The following CPED1 variants were observed in gnomAD, a reference collection of about 807,000 sequenced individuals.
The protein encoded by CPED1 is cadherin-like and PC-esterase domain-containing protein 1.
A neutral mutation model predicts 128.2 loss-of-function variants in CPED1; 114 were observed. The ratio of observed to expected loss-of-function variants is 0.89; its 90% confidence interval spans 0.76 to 1.04. The LOEUF (loss-of-function observed/expected upper bound fraction) is 1.04. Ranked by LOEUF, CPED1 falls within the 50% of genes least tolerant of loss-of-function variation. The pLI is 0.00. For synonymous variants in CPED1, 462 were observed against 426.7 expected (o/e 1.08, Z -1.02); for missense variants, 1,211 against 1,207.1 (o/e 1.00, Z -0.05).
intron 14 of CPED1, among the ~76,000 whole-genome samples, chr7:121,138,177 T>C (rs1035568539): frequency 2.0e-5 from 3 of 152,110 alleles, no homozygotes; most frequent in African/African-American, 7.2e-5. Flanking sequence ...GCTCTTCTCA[T>C]GTTCAATATG....
intron 16 of CPED1, among the ~76,000 whole-genome samples, chr7:121,194,046 ATATT>A (rs1299490368): frequency 0.017 from 890 of 52,530 alleles, 1 homozygote; most frequent in Non-Finnish European, 0.025. Flanking sequence ...ATATATATAT[ATATT>A]TTTTTTTTTT....
At chr7:121,061,639 A>G (rs1044313026) in intron 4 of CPED1, among the ~76,000 whole-genome samples, 3 of 152,174 alleles carry the variant, frequency 2.0e-5, no homozygotes, top group Admixed American at 2.0e-4. Context: ...AAAGTCCATT[A>G]AAAAATAATT....
At chr7:121,167,691 G>A (rs1166140577) in intron 16 of CPED1, among the ~76,000 whole-genome samples, 2 of 149,988 alleles carry the variant, frequency 1.3e-5, no homozygotes, top group Admixed American at 6.6e-5. Flanking sequence ...AAAACTACTA[G>A]AACCCATTAA....
At chr7:121,100,271 G>T (rs1017365496) in intron 7 of CPED1, among the ~76,000 whole-genome samples, 177 bp downstream of exon 7, 2 of 151,988 alleles carry the variant, frequency 1.3e-5, no homozygotes, top group Non-Finnish European at 2.9e-5. Context: ...AAAATGAACT[G>T]GAAGCAGCTT....
intron 16 of CPED1, among the ~76,000 whole-genome samples, chr7:121,191,217 A>C (rs1019345693): frequency 9.2e-5 from 14 of 152,184 alleles, no homozygotes; most frequent in Non-Finnish European, 5.9e-5. Flanking sequence ...AAACTCTTCG[A>C]AAAACACCGA....
chr7:121,010,503 C>T (rs182528608), intron 2 of CPED1, among the ~76,000 whole-genome samples: 42 of 152,334 alleles, frequency 2.8e-4, no homozygotes, highest in Non-Finnish European at 5.3e-4. Flanking sequence ...CCTATTTTAG[C>T]TTCCCAAAGT....
chr7:121,185,056 G>A (rs1037783617), intron 16 of CPED1, among the ~76,000 whole-genome samples: 1 of 152,016 alleles, frequency 6.6e-6, no homozygotes, highest in Non-Finnish European at 1.5e-5. Flanking sequence ...AGACATGGAT[G>A]CTGTTTATCA....
rs190789271 is a variant in CPED1, at chr7:121,099,787, A to G, written c.750-139A>G. On this transcript the variant is annotated intron_variant, in intron 6 of 22. Coordinates refer to ENST00000310396, the MANE Select transcript of CPED1 (RefSeq NM_024913.5). ...GTGGTGATGCTAATAAGCAACTGAA[A>G]TTGTTCAAGGAAACCCACACACTGA... is the stretch of plus-strand genomic sequence containing the variant. The G allele has an allele frequency of 1.0e-5, 8 of 803,698 alleles. No homozygotes were observed. The African/African-American group carries it at 1.4e-4, about 14-fold the overall frequency. 49.8% of individuals were successfully genotyped at this position (803,698 alleles called of 1,614,324 possible).
At chr7:121,271,228 A>G (rs1018136646) in intron 21 of CPED1, 56 bp from the exon 22 acceptor site, 3 of 1,426,376 alleles carry the variant, frequency 2.1e-6, no homozygotes, top group Non-Finnish European at 2.9e-6. Flanking sequence ...TAACTTATTG[A>G]ATCATAAAAC....
At chr7:121,214,895 G>A (rs1305625245) in intron 16 of CPED1, among the ~76,000 whole-genome samples, 3 of 151,972 alleles carry the variant, frequency 2.0e-5, no homozygotes, top group African/African-American at 7.2e-5. Flanking sequence ...AAATTATTCA[G>A]CTCTAAGTAA....
At chr7:121,270,411 T>G (rs1268013854) in intron 21 of CPED1, among the ~76,000 whole-genome samples, 8 of 152,098 alleles carry the variant, frequency 5.3e-5, no homozygotes, top group African/African-American at 1.9e-4. Flanking sequence ...TATCAATTTT[T>G]GGTTTTGGTA....
At chr7:121,128,705 T>A (rs939999650) in intron 11 of CPED1, among the ~76,000 whole-genome samples, 1 of 152,142 alleles carries the variant, frequency 6.6e-6, no homozygotes, top group Non-Finnish European at 1.5e-5. Context: ...TTATTAAAGG[T>A]AAAAGAACAT....
chr7:121,082,505 GC>G (rs1432047995), intron 5 of CPED1, among the ~76,000 whole-genome samples: 3 of 152,098 alleles, frequency 2.0e-5, no homozygotes, highest in South Asian at 2.1e-4. Context: ...ATTATGGTGG[GC>G]TTTATGATTT....
chr7:121,271,685 A>T (rs752123788), intron 22 of CPED1, among the ~76,000 whole-genome samples: 1 of 152,136 alleles, frequency 6.6e-6, no homozygotes, highest in South Asian at 2.1e-4. Flanking sequence ...GGAGGCAGGA[A>T]TATGGGAACC....
intron 16 of CPED1, among the ~76,000 whole-genome samples, chr7:121,205,691 C>T (rs995674384): frequency 7.9e-5 from 12 of 151,976 alleles, no homozygotes; most frequent in African/African-American, 2.9e-4. Context: ...CAGCAGCACT[C>T]AGCTCTAGGA....
intron 5 of CPED1, among the ~76,000 whole-genome samples, chr7:121,072,781 A>T (rs938399053): frequency 4.6e-5 from 7 of 152,220 alleles, no homozygotes; most frequent in African/African-American, 1.7e-4. Context: ...ATATATATGA[A>T]AATGAGTATC....
At chr7:121,041,077 A>G (rs1227344517) in intron 3 of CPED1, among the ~76,000 whole-genome samples, 1 of 152,072 alleles carries the variant, frequency 6.6e-6, no homozygotes, top group Admixed American at 6.6e-5. Flanking sequence ...CTTACCAGCT[A>G]AGAACCAAAA....
intron 7 of CPED1, among the ~76,000 whole-genome samples, chr7:121,117,077 TTATATATATATATATATATATAAATA>T (rs1180937780): frequency 2.3e-5 from 3 of 128,804 alleles, no homozygotes; most frequent in Non-Finnish European, 4.7e-5. Context: ...TATATACACA[TTATATATATATATATATATATAAATA>T]TATATATATA....
At chr7:121,113,813 A>G (rs1021776451) in intron 7 of CPED1, among the ~76,000 whole-genome samples, 8 of 152,000 alleles carry the variant, frequency 5.3e-5, no homozygotes, top group African/African-American at 1.7e-4. Flanking sequence ...GTATTCTCAG[A>G]TATAGTCTTA....
Sources: gnomAD v4.1 joint callset for allele counts (sites outside exome capture counted in the v4.1 genomes callset) on GRCh38, gnomAD v4.1.1 for gene constraint, MANE v1.5 for transcripts, NCBI Gene and HGNC (gene_info 2026-07-23, HGNC 2026-07-21) for gene names.